Variants in PRDM2 observed in about 807,000 individuals in gnomAD.
The protein encoded by PRDM2 is PR/SET domain 2, also known as PR domain zinc finger protein 2.
A neutral mutation model predicts 130.0 loss-of-function variants in PRDM2; 30 were observed. The ratio of observed to expected loss-of-function variants is 0.23; its 90% CI spans 0.17 to 0.31. The LOEUF (loss-of-function observed/expected upper bound fraction) is 0.31. PRDM2 is among the 10% of genes least tolerant of loss of function. The pLI is 1.00. For missense variants in PRDM2, 2,011 were observed against 2,108.4 expected, an observed-to-expected ratio of 0.95 and a Z score of 0.90; for synonymous variants, 871 against 782.4, an observed-to-expected ratio of 1.11 and a Z score of -1.89.
chr1:13,819,046 G>A (rs1002319029), intron 9 of PRDM2, among the ~76,000 whole-genome samples: 12 of 152,172 alleles, frequency 7.9e-5, no homozygotes, highest in African/African-American at 2.7e-4. Context: ...GAACAATTCC[G>A]ACTCTGGGAA....
intron 6 of PRDM2, among the ~76,000 whole-genome samples, chr1:13,749,747 C>G (rs1022599824): frequency 5.3e-5 from 8 of 151,992 alleles, no homozygotes; most frequent in Admixed American, 5.2e-4. Context: ...CCGCCGCGCG[C>G]TCGGGCTGTT....
At chr1:13,703,404 T>C (rs925519761) in intron 1 of PRDM2, among the ~76,000 whole-genome samples, 3 of 152,254 alleles carry the variant, frequency 2.0e-5, no homozygotes, top group African/African-American at 4.8e-5. Flanking sequence ...AAGGCTCATC[T>C]AACTGTATGG....
chr1:13,729,024 G>A (rs746965857), intron 2 of PRDM2, among the ~76,000 whole-genome samples: 1 of 152,058 alleles, frequency 6.6e-6, no homozygotes, highest in African/African-American at 2.4e-5. Flanking sequence ...CTGACTATAG[G>A]CACTCGAATC....
intron 6 of PRDM2, among the ~76,000 whole-genome samples, chr1:13,754,297 A>T (rs1325256279): frequency 1.3e-5 from 2 of 152,046 alleles, no homozygotes; most frequent in Non-Finnish European, 2.9e-5. Context: ...GATGAGAGAG[A>T]TGACTACAGC....
At chr1:13,768,448 C>T (rs557857399) in intron 6 of PRDM2, among the ~76,000 whole-genome samples, 3 of 151,464 alleles carry the variant, frequency 2.0e-5, no homozygotes, top group South Asian at 2.1e-4. Flanking sequence ...GGCACGATCT[C>T]GGCTCACTGC....
At chr1:13,763,239 T>C (rs2100592871) in intron 6 of PRDM2, among the ~76,000 whole-genome samples, 1 of 152,316 alleles carries the variant, frequency 6.6e-6, no homozygotes, top group Middle Eastern at 3.4e-3. Context: ...TAATGATGGG[T>C]ATAAGAACCA....
intron 8 of PRDM2, among the ~76,000 whole-genome samples, chr1:13,798,227 A>G (rs547030809): frequency 1.1e-4 from 16 of 152,328 alleles, no homozygotes; most frequent in African/African-American, 3.8e-4. Flanking sequence ...ATAGAGCCAA[A>G]GCTACCGCTC....
intron 5 of PRDM2, among the ~76,000 whole-genome samples, chr1:13,747,157 C>T (rs796087166): frequency 9.2e-5 from 14 of 152,306 alleles, no homozygotes; most frequent in African/African-American, 3.4e-4. Context: ...GTGGTATCTT[C>T]TAGCCAGTTC....
intron 4 of PRDM2, among the ~76,000 whole-genome samples, chr1:13,733,575 T>C (rs1009697302): frequency 4.6e-5 from 7 of 152,206 alleles, no homozygotes; most frequent in African/African-American, 1.7e-4. Context: ...AAATCCTACC[T>C]CTAGCTTCGT....
intron 8 of PRDM2, among the ~76,000 whole-genome samples, chr1:13,814,179 G>C (rs1208765405): frequency 6.6e-6 from 1 of 152,174 alleles, no homozygotes; most frequent in Non-Finnish European, 1.5e-5. Context: ...GGGTCTCCTG[G>C]GGCACCAGCC....
At chr1:13,712,926 A>T (rs1024581390) in intron 1 of PRDM2, among the ~76,000 whole-genome samples, 6 of 151,740 alleles carry the variant, frequency 4.0e-5, no homozygotes, top group African/African-American at 7.3e-5. Context: ...TGCGCCCCTC[A>T]CCGACTCTGC....
At chr1:13,817,209 G>C (rs1645271489) in intron 9 of PRDM2, among the ~76,000 whole-genome samples, 1 of 152,174 alleles carries the variant, frequency 6.6e-6, no homozygotes, top group Non-Finnish European at 1.5e-5. Context: ...TTTTGGATTA[G>C]GGATGCTGAC....
chr1:13,813,487 T>C (rs551240526), intron 8 of PRDM2, among the ~76,000 whole-genome samples: 6 of 152,280 alleles, frequency 3.9e-5, no homozygotes, highest in African/African-American at 1.4e-4. Context: ...TTCAAAATGG[T>C]GGCCTAAGGA....
At chr1:13,823,014 C>T (rs907821858) in intron 9 of PRDM2, 145 bp from the exon 10 acceptor site, 6 of 801,084 alleles carry the variant, frequency 7.5e-6, no homozygotes, top group Admixed American at 6.7e-5. Flanking sequence ...TGTGAACATT[C>T]ATCAAGCTGT....
At chr1:13,740,884 A>T (rs531722774) in intron 4 of PRDM2, among the ~76,000 whole-genome samples, 1 of 152,132 alleles carries the variant, frequency 6.6e-6, no homozygotes, top group Admixed American at 6.5e-5. Flanking sequence ...CAGCGGGGGG[A>T]GTGGGAGCTT....
chr1:13,718,953 C>T (rs1019170424), intron 2 of PRDM2, among the ~76,000 whole-genome samples: 3 of 152,194 alleles, frequency 2.0e-5, no homozygotes, highest in African/African-American at 7.2e-5. Flanking sequence ...TTCCTTCCCT[C>T]ATTCATCGTG....
chr1:13,767,944 C>G (rs1432480144), intron 6 of PRDM2, among the ~76,000 whole-genome samples: 2 of 152,038 alleles, frequency 1.3e-5, no homozygotes, highest in Admixed American at 6.5e-5. Flanking sequence ...CCATCGCACT[C>G]TAGCCTGAAT....
chr1:13,749,612 G>C (rs1643745705), intron 6 of PRDM2, 125 bp downstream of exon 6: 1 of 515,594 alleles, frequency 1.9e-6, no homozygotes, highest in Non-Finnish European at 2.5e-6. Context: ...CGGCGCCCGC[G>C]GCATCTCGGT....
chr1:13,707,363 C>T (rs923283428), intron 1 of PRDM2, among the ~76,000 whole-genome samples: 3 of 152,214 alleles, frequency 2.0e-5, no homozygotes, highest in African/African-American at 7.2e-5. Flanking sequence ...GCATTGGCAA[C>T]TCCAGTGGAA....
Sources: gnomAD v4.1 joint callset for allele counts (sites outside exome capture counted in the v4.1 genomes callset) on GRCh38, gnomAD v4.1.1 for gene constraint, MANE v1.5 for transcripts, NCBI Gene and HGNC (gene_info 2026-07-23, HGNC 2026-07-21) for gene names.